Variants in IL1RAPL1 observed in about 807,000 individuals in gnomAD.
IL1RAPL1 encodes the protein interleukin-1 receptor accessory protein-like 1.
In IL1RAPL1, 3 loss-of-function variants were observed where a neutral mutation model predicts 48.4. The ratio of observed to expected loss-of-function variants is 0.06; its 90% CI spans 0.03 to 0.16. The LOEUF (loss-of-function observed/expected upper bound fraction) is 0.16. Ranked by LOEUF, IL1RAPL1 falls within the 10% of genes least tolerant of loss-of-function variation. The pLI is 1.00. For missense variants in IL1RAPL1, 349 were observed against 530.6 expected, an observed-to-expected ratio of 0.66 and a Z score of 3.36; for synonymous variants, 185 against 187.7, an observed-to-expected ratio of 0.99 and a Z score of 0.12.
At chrX:29,913,878 A>C (rs1294891800) in intron 6 of IL1RAPL1, among the ~76,000 whole-genome samples, 2 of 88,004 alleles carry the variant, frequency 2.3e-5, no homozygotes, top group East Asian at 7.0e-4. Context: ...TTCGTCTCCT[A>C]ATCTTCCCTC....
At chrX:29,466,732 G>A (rs1934866747) in intron 5 of IL1RAPL1, among the ~76,000 whole-genome samples, 1 of 111,911 alleles carries the variant, frequency 8.9e-6, no homozygotes, top group Non-Finnish European at 1.9e-5. Flanking sequence ...GCAGTTGCTG[G>A]CAAGTATAAT....
intron 2 of IL1RAPL1, among the ~76,000 whole-genome samples, chrX:29,056,890 T>A (rs1927227804): frequency 8.9e-6 from 1 of 112,208 alleles, no homozygotes; most frequent in African/African-American, 3.2e-5. Context: ...AAACTTTTGG[T>A]TTTTAGTTTT....
At chrX:29,548,196 G>A (rs1373746362) in intron 5 of IL1RAPL1, among the ~76,000 whole-genome samples, 2 of 112,557 alleles carry the variant, frequency 1.8e-5, no homozygotes, top group Non-Finnish European at 3.8e-5. Flanking sequence ...AATGAAGAGA[G>A]CAGTTTAAGC....
intron 5 of IL1RAPL1, among the ~76,000 whole-genome samples, chrX:29,521,282 C>T (rs1023742400): frequency 1.8e-5 from 2 of 111,741 alleles, no homozygotes; most frequent in Non-Finnish European, 1.9e-5. Flanking sequence ...TTTTCAATGT[C>T]GATGGACCAT....
At chrX:29,356,691 A>T (rs1259911543) in intron 3 of IL1RAPL1, among the ~76,000 whole-genome samples, 1 of 111,229 alleles carries the variant, frequency 9.0e-6, no homozygotes, top group Non-Finnish European at 1.9e-5. Context: ...AGTTGCCTCT[A>T]CATCTATACG....
At chrX:29,765,879 G>A (rs1928869947) in intron 6 of IL1RAPL1, among the ~76,000 whole-genome samples, 1 of 110,272 alleles carries the variant, frequency 9.1e-6, no homozygotes, top group Admixed American at 9.7e-5. Context: ...TAGAGTAATG[G>A]ACTCTGGCGA....
intron 1 of IL1RAPL1, among the ~76,000 whole-genome samples, chrX:28,782,514 A>G (rs1936433852): frequency 1.8e-5 from 2 of 111,888 alleles, no homozygotes; most frequent in African/African-American, 6.5e-5. Flanking sequence ...GGAATTCCAG[A>G]TCAAAGCTAA....
At chrX:29,634,019 A>C (rs1055503170) in intron 5 of IL1RAPL1, among the ~76,000 whole-genome samples, 1 of 112,288 alleles carries the variant, frequency 8.9e-6, no homozygotes, top group East Asian at 2.8e-4. Flanking sequence ...CACAGAAATC[A>C]TGATAGCGGA....
chrX:29,707,566 A>G (rs1174978967), intron 6 of IL1RAPL1, among the ~76,000 whole-genome samples: 1 of 112,456 alleles, frequency 8.9e-6, no homozygotes, highest in Non-Finnish European at 1.9e-5. Flanking sequence ...GTGGATAAAG[A>G]AAATGTGGTA....
At chrX:29,652,264 T>A (rs1925544265) in intron 5 of IL1RAPL1, among the ~76,000 whole-genome samples, 1 of 111,944 alleles carries the variant, frequency 8.9e-6, no homozygotes. Context: ...ACAATCTCAA[T>A]GGAAAGTTAA....
chrX:29,788,293 G>A (rs1471080345), intron 6 of IL1RAPL1, among the ~76,000 whole-genome samples: 1 of 111,631 alleles, frequency 9.0e-6, no homozygotes, highest in Non-Finnish European at 1.9e-5. Context: ...TCTCGTGCTT[G>A]TAGATATAAT....
At chrX:28,966,475 G>T (rs1391392343) in intron 2 of IL1RAPL1, among the ~76,000 whole-genome samples, 1 of 111,711 alleles carries the variant, frequency 9.0e-6, no homozygotes, top group Non-Finnish European at 1.9e-5. Context: ...CTAATAGTCA[G>T]TGATTTTGCT....
At chrX:28,760,333 A>C (rs1182520496) in intron 1 of IL1RAPL1, among the ~76,000 whole-genome samples, 1 of 112,054 alleles carries the variant, frequency 8.9e-6, no homozygotes, top group African/African-American at 3.2e-5. Context: ...TTTTTATTGA[A>C]TAATACAACA....
intron 5 of IL1RAPL1, among the ~76,000 whole-genome samples, chrX:29,406,552 G>A (rs1355697332): frequency 9.0e-6 from 1 of 111,602 alleles, no homozygotes; most frequent in African/African-American, 3.3e-5. Context: ...CATAATTGCG[G>A]TTTTTGCCAT....
chrX:29,155,720 A>T (rs1929555716), intron 2 of IL1RAPL1, among the ~76,000 whole-genome samples: 2 of 111,716 alleles, frequency 1.8e-5, no homozygotes, highest in African/African-American at 3.2e-5. Flanking sequence ...GCATGCTTTT[A>T]AGTGAATTGT....
At chrX:29,785,655 T>C (rs147529942) in intron 6 of IL1RAPL1, among the ~76,000 whole-genome samples, 6,892 of 111,622 alleles carry the variant, frequency 0.062, 498 homozygotes, top group African/African-American at 0.21. Context: ...CAACTCGAAA[T>C]GAATAAAACG....
At chrX:29,178,207 C>A (rs1439739420) in intron 2 of IL1RAPL1, among the ~76,000 whole-genome samples, 1 of 111,865 alleles carries the variant, frequency 8.9e-6, no homozygotes, top group Non-Finnish European at 1.9e-5. Context: ...TACACACCCA[C>A]CAACAGTGTA....
chrX:29,146,035 A>G (rs1365977371), intron 2 of IL1RAPL1, among the ~76,000 whole-genome samples: 2 of 111,785 alleles, frequency 1.8e-5, no homozygotes, highest in Admixed American at 9.6e-5. Context: ...AGAGATTAGT[A>G]TGTGTCACTT....
At chrX:29,552,928 G>A (rs1364138912) in intron 5 of IL1RAPL1, among the ~76,000 whole-genome samples, 3 of 100,529 alleles carry the variant, frequency 3.0e-5, no homozygotes, top group Admixed American at 1.2e-4. Context: ...CTTTATTTCT[G>A]TCATAATGTA....
Sources: allele counts gnomAD v4.1 joint callset (sites outside exome capture counted in the v4.1 genomes callset), GRCh38; gene constraint gnomAD v4.1.1; transcripts MANE v1.5; gene names NCBI Gene and HGNC (gene_info 2026-07-23, HGNC 2026-07-21).